The following ENTREP2 variants were observed in gnomAD, a reference collection of about 807,000 sequenced individuals.
ENTREP2 encodes endosomal transmembrane epsin interactor 2.
the ENTREP2 span, among the ~76,000 whole-genome samples, chr15:29,455,175 T>A: frequency 6.6e-6 from 1 of 152,066 alleles, no homozygotes; most frequent in African/African-American, 2.4e-5. Flanking sequence ...ACAAAGCCCA[T>A]CACCCCTGCT....
the ENTREP2 span, among the ~76,000 whole-genome samples, chr15:29,141,648 T>C: frequency 6.6e-6 from 1 of 152,188 alleles, no homozygotes; most frequent in Non-Finnish European, 1.5e-5. Context: ...ACATCCTGGC[T>C]CCTGAAGGGA....
At chr15:29,534,783 G>A in the ENTREP2 span, among the ~76,000 whole-genome samples, 2 of 152,130 alleles carry the variant, frequency 1.3e-5, no homozygotes, top group Admixed American at 6.6e-5. Context: ...CCACAATGTG[G>A]CCAGGCACAA....
the ENTREP2 span, among the ~76,000 whole-genome samples, chr15:29,291,572 C>T: frequency 6.6e-6 from 1 of 152,184 alleles, no homozygotes; most frequent in Non-Finnish European, 1.5e-5. Flanking sequence ...TCTTCCTGCC[C>T]CACCCTGGAC....
At chr15:29,568,710 CAAAAAA>C in the ENTREP2 span, among the ~76,000 whole-genome samples, 153 of 128,218 alleles carry the variant, frequency 1.2e-3, no homozygotes, top group African/African-American at 4.8e-3. Context: ...CCTCTTAAGG[CAAAAAA>C]AAAAAAAAAA....
the ENTREP2 span, chr15:29,269,589 G>C: frequency 3.9e-6 from 6 of 1,548,366 alleles, no homozygotes; most frequent in Middle Eastern, 1.7e-4. Flanking sequence ...AGCCGTCTCT[G>C]AGAACCCGGG....
At chr15:29,458,909 A>G in the ENTREP2 span, among the ~76,000 whole-genome samples, 1 of 152,048 alleles carries the variant, frequency 6.6e-6, no homozygotes, top group Non-Finnish European at 1.5e-5. Context: ...CACAAAGGAG[A>G]CTTATCCAGA....
the ENTREP2 span, among the ~76,000 whole-genome samples, chr15:29,402,061 T>C: frequency 1.0e-3 from 154 of 152,260 alleles, 2 homozygotes; most frequent in African/African-American, 3.6e-3. Context: ...AATCCATGCA[T>C]GTATTATGTT....
chr15:29,387,701 A>G, the ENTREP2 span, among the ~76,000 whole-genome samples: 36 of 152,224 alleles, frequency 2.4e-4, no homozygotes, highest in East Asian at 5.8e-4. Flanking sequence ...GAGGCATCAC[A>G]CTACCTGACT....
At chr15:29,296,502 A>G in the ENTREP2 span, among the ~76,000 whole-genome samples, 1 of 152,204 alleles carries the variant, frequency 6.6e-6, no homozygotes, top group African/African-American at 2.4e-5. Flanking sequence ...AAACTACAAA[A>G]TAACTAGGCC....
the ENTREP2 span, among the ~76,000 whole-genome samples, chr15:29,640,346 G>C: frequency 6.6e-6 from 1 of 152,074 alleles, no homozygotes; most frequent in African/African-American, 2.4e-5. Context: ...ATAGAAAAGA[G>C]ATTGAATTAG....
At chr15:29,650,897 T>C in the ENTREP2 span, among the ~76,000 whole-genome samples, 1 of 152,128 alleles carries the variant, frequency 6.6e-6, no homozygotes, top group Admixed American at 6.6e-5. Flanking sequence ...GCACCTGTAG[T>C]CCTAACTACT....
At chr15:29,154,473 T>C in the ENTREP2 span, among the ~76,000 whole-genome samples, 38,477 of 148,942 alleles carry the variant, frequency 0.26, 6,186 homozygotes, top group Non-Finnish European at 0.35. Context: ...AAAAAAAGAT[T>C]TAGAATGATA....
the ENTREP2 span, among the ~76,000 whole-genome samples, chr15:29,208,933 AT>A: frequency 2.0e-5 from 3 of 152,314 alleles, no homozygotes; most frequent in South Asian, 6.2e-4. Context: ...AAAAGGGTCA[AT>A]TACATATGAT....
the ENTREP2 span, among the ~76,000 whole-genome samples, chr15:29,364,728 A>T: frequency 1.5e-3 from 231 of 152,198 alleles, 1 homozygote; most frequent in African/African-American, 5.1e-3. Context: ...GCCTTTAAAA[A>T]TTTTTTTTAA....
chr15:29,132,974 C>T, the ENTREP2 span, among the ~76,000 whole-genome samples: 1 of 152,134 alleles, frequency 6.6e-6, no homozygotes, highest in African/African-American at 2.4e-5. Flanking sequence ...ACAGAGCTGC[C>T]CCCGCGCCAC....
chr15:29,614,169 G>A, the ENTREP2 span: 650 of 153,708 alleles, frequency 4.2e-3, 10 homozygotes, highest in African/African-American at 0.015. Context: ...CTGCTGTATT[G>A]TGCGGGAAGG....
the ENTREP2 span, among the ~76,000 whole-genome samples, chr15:29,512,164 G>C: frequency 6.6e-6 from 1 of 151,946 alleles, no homozygotes; most frequent in Non-Finnish European, 1.5e-5. Context: ...AAAGCTTTGT[G>C]GCCTTCCAAA....
the ENTREP2 span, among the ~76,000 whole-genome samples, chr15:29,530,124 G>GGC: frequency 6.6e-6 from 1 of 152,144 alleles, no homozygotes; most frequent in Non-Finnish European, 1.5e-5. Context: ...ATGTACGGAA[G>GGC]GCGCCTAGGT....
At chr15:29,297,460 C>T in the ENTREP2 span, among the ~76,000 whole-genome samples, 29 of 152,308 alleles carry the variant, frequency 1.9e-4, no homozygotes, top group African/African-American at 6.7e-4. Flanking sequence ...TAACAAAGCA[C>T]AGTAGATAAC....
Sources: allele counts gnomAD v4.1 joint callset (sites outside exome capture counted in the v4.1 genomes callset), GRCh38; gene constraint gnomAD v4.1.1; transcripts MANE v1.5; gene names NCBI Gene and HGNC (gene_info 2026-07-23, HGNC 2026-07-21).